OLA1: variants seen among roughly 807,000 people sequenced by gnomAD.
OLA1 encodes obg-like ATPase 1.
In OLA1, 14 loss-of-function variants were observed where a neutral mutation model predicts 48.4. The ratio of observed to expected loss-of-function variants is 0.29; its 90% CI spans 0.19 to 0.45. The LOEUF is 0.45. Among genes scored for constraint, OLA1 ranks in the 20% least tolerant of loss-of-function variants. The pLI is 1.00. For synonymous variants in OLA1, 127 were observed against 150.4 expected, an observed-to-expected ratio of 0.84 and a Z score of 1.14; for missense variants, 325 against 467.1, an observed-to-expected ratio of 0.70 and a Z score of 2.80.
At chr2:174,121,784 G>A (rs1472161862) in intron 7 of OLA1, among the ~76,000 whole-genome samples, 1 of 152,108 alleles carries the variant, frequency 6.6e-6, no homozygotes, top group Admixed American at 6.5e-5. Flanking sequence ...TTAGGGTCTG[G>A]GAAATGGTAT....
chr2:174,174,662 C>G (rs1473011266), intron 4 of OLA1, among the ~76,000 whole-genome samples: 1 of 151,826 alleles, frequency 6.6e-6, no homozygotes, highest in Non-Finnish European at 1.5e-5. Flanking sequence ...TGAGAAGAGA[C>G]CTAAATAAAT....
chr2:174,239,884 A>G (rs1241679906), intron 2 of OLA1, among the ~76,000 whole-genome samples: 1 of 149,906 alleles, frequency 6.7e-6, no homozygotes, highest in South Asian at 2.1e-4. Context: ...ACAGAGCGAG[A>G]CTCTATCTCA....
intron 3 of OLA1, among the ~76,000 whole-genome samples, chr2:174,227,177 G>C (rs904032215): frequency 2.6e-5 from 4 of 152,106 alleles, no homozygotes; most frequent in African/African-American, 9.7e-5. Flanking sequence ...GGATGAGGCA[G>C]GAGGAATGCT....
At chr2:174,150,065 G>A (rs191477536) in intron 4 of OLA1, among the ~76,000 whole-genome samples, 2 of 152,260 alleles carry the variant, frequency 1.3e-5, no homozygotes, top group African/African-American at 4.8e-5. Flanking sequence ...GAAAACCTGG[G>A]CTATAGTTTC....
rs75428179 is a variant in OLA1, at chr2:174,079,590, T to C, written c.967-500A>G. Among the ~76,000 whole-genome samples, 377 of 152,010 alleles carry C rather than the reference T, an allele frequency of 2.5e-3. 3 individuals are homozygous for C. Among genetic ancestry groups the C allele is most frequent in the African/African-American group, 8.7e-3 (362 of 41,536 alleles). On this transcript the variant is annotated intron_variant, in intron 9 of 10. Coordinates refer to ENST00000284719, the MANE Select transcript of OLA1 (RefSeq NM_013341.5). ...AAATAATTGTGAAACTCTCAAAAAATTTCGATAATAAAATTTTTGAACATT... is the reference window on the plus strand; with the variant it reads ...AAATAATTGTGAAACTCTCAAAAAACTTCGATAATAAAATTTTTGAACATT...
intron 4 of OLA1, among the ~76,000 whole-genome samples, chr2:174,158,070 A>G (rs978238085): frequency 1.3e-5 from 2 of 152,184 alleles, no homozygotes; most frequent in Non-Finnish European, 2.9e-5. Flanking sequence ...AACTGGCCCA[A>G]CAAAATGGGT....
In OLA1 at chr2:174,073,357, A is replaced by G. The variant is rs1453620196; in HGVS notation, c.*2069T>C. ...GATGGAGCTACAGATACATGCAAAA[A>G]TATTTACATAACATCCTAAAATATA... On this transcript the variant is annotated 3_prime_UTR_variant, in exon 11 of 11. Coordinates refer to ENST00000284719, the MANE Select transcript of OLA1 (RefSeq NM_013341.5). The G allele has an allele frequency of 4.6e-5, 7 of 152,176 alleles. No homozygotes were observed. The highest frequency in any genetic ancestry group is 4.6e-4 in the Admixed American group (7 of 15,276). 9.4% of individuals were successfully genotyped at this position (152,176 alleles called of 1,614,324 possible). A position where few individuals can be genotyped will look rare whatever the true frequency, so the allele number is the denominator to read the frequency against.
intron 7 of OLA1, among the ~76,000 whole-genome samples, chr2:174,092,764 A>G (rs1455187215): frequency 6.6e-6 from 1 of 152,204 alleles, no homozygotes; most frequent in East Asian, 1.9e-4. Context: ...TTAGTTTAGA[A>G]ATTAGTATGC....
At chr2:174,141,133 T>C (rs1686437221) in intron 5 of OLA1, among the ~76,000 whole-genome samples, 1 of 152,192 alleles carries the variant, frequency 6.6e-6, no homozygotes, top group African/African-American at 2.4e-5. Flanking sequence ...GGTTTCGCCA[T>C]GTTGGCTAGG....
intron 4 of OLA1, among the ~76,000 whole-genome samples, chr2:174,157,357 A>C (rs1244480548): frequency 6.6e-6 from 1 of 152,192 alleles, no homozygotes; most frequent in East Asian, 1.9e-4. Flanking sequence ...GATGAAGGGG[A>C]ACAGGGAAGG....
intron 7 of OLA1, among the ~76,000 whole-genome samples, chr2:174,113,575 G>T (rs967359260): frequency 6.6e-6 from 1 of 151,946 alleles, no homozygotes; most frequent in African/African-American, 2.4e-5. Context: ...AGCAGCAAAT[G>T]CTTATTATCC....
At chr2:174,244,246 G>C (rs1689076513) in intron 2 of OLA1, among the ~76,000 whole-genome samples, 1 of 152,184 alleles carries the variant, frequency 6.6e-6, no homozygotes, top group Admixed American at 6.5e-5. Flanking sequence ...ACAAAAAGTA[G>C]TGTTTACAAC....
intron 7 of OLA1, among the ~76,000 whole-genome samples, chr2:174,087,716 G>C (rs1234266927): frequency 1.3e-5 from 2 of 152,052 alleles, no homozygotes; most frequent in African/African-American, 4.8e-5. Context: ...GTTTTCTCCA[G>C]CATACGTTAA....
chr2:174,154,776 A>G (rs1686833220), intron 4 of OLA1, among the ~76,000 whole-genome samples: 1 of 152,258 alleles, frequency 6.6e-6, no homozygotes, highest in Admixed American at 6.5e-5. Context: ...ATACTGTAAG[A>G]TATGGATAAA....
intron 2 of OLA1, among the ~76,000 whole-genome samples, chr2:174,241,760 C>T (rs768139812): frequency 5.3e-5 from 8 of 152,184 alleles, no homozygotes; most frequent in Non-Finnish European, 5.9e-5. Context: ...CTCGGCCTCC[C>T]GAGTAGCTGG....
At chr2:174,141,195 G>A (rs760549100) in intron 5 of OLA1, among the ~76,000 whole-genome samples, 5 of 152,186 alleles carry the variant, frequency 3.3e-5, no homozygotes, top group Non-Finnish European at 7.3e-5. Flanking sequence ...GCTTCCCAAA[G>A]TGCTGGGATT....
At chr2:174,140,783 G>A (rs1458730998) in intron 5 of OLA1, among the ~76,000 whole-genome samples, 1 of 152,118 alleles carries the variant, frequency 6.6e-6, no homozygotes. Context: ...ACACTCCTAG[G>A]AGTAGCCCAT....
chr2:174,189,467 A>G (rs945432634), intron 4 of OLA1, among the ~76,000 whole-genome samples: 3 of 152,160 alleles, frequency 2.0e-5, no homozygotes, highest in African/African-American at 4.8e-5. Context: ...GAACAATACA[A>G]TAAGGGACAA....
intron 7 of OLA1, among the ~76,000 whole-genome samples, chr2:174,089,266 A>T (rs1685053651): frequency 6.6e-6 from 1 of 152,252 alleles, no homozygotes; most frequent in African/African-American, 2.4e-5. Flanking sequence ...CTGCACTTTA[A>T]CAAGCTCCCT....
Sources: gnomAD v4.1 joint callset for allele counts (sites outside exome capture counted in the v4.1 genomes callset) on GRCh38, gnomAD v4.1.1 for gene constraint, MANE v1.5 for transcripts, NCBI Gene and HGNC (gene_info 2026-07-23, HGNC 2026-07-21) for gene names.